Variants in CDH20 observed in about 807,000 individuals in gnomAD.
The protein encoded by CDH20 is cadherin 20.
A neutral mutation model predicts 74.2 loss-of-function variants in CDH20; 29 were observed. The ratio of observed to expected loss-of-function variants is 0.39; its 90% CI spans 0.29 to 0.53. CDH20 has a LOEUF of 0.53. Among genes scored for constraint, CDH20 ranks in the 20% least tolerant of loss-of-function variants. The probability of loss-of-function intolerance (pLI) is 0.69; values close to 1 mark genes in which losing one functional copy is unlikely to be tolerated. For synonymous variants in CDH20, 469 were observed against 405.4 expected (o/e 1.16, Z -1.88); for missense variants, 988 against 1,048.3 (o/e 0.94, Z 0.79).
Position 61,555,261 on chromosome 18 carries a change from T to C in CDH20, c.*566T>C. 2.0e-6 allele frequency: 1 copy of C among 488,860 alleles called. No homozygotes were observed. Among genetic ancestry groups the C allele is most frequent in the South Asian group, 9.4e-5 (1 of 10,654 alleles). 30.3% of individuals were successfully genotyped at this position (488,860 alleles called of 1,614,324 possible). On this transcript the variant is annotated 3_prime_UTR_variant, in exon 12 of 12. Transcript: ENST00000262717. The stretch of plus-strand genomic sequence containing the variant: ...CTTTTGAGACAAGGTTAAGACTGAA[T>C]CAGCCTTGCATGGGGGTGGATGGGT...
intron 7 of CDH20, among the ~76,000 whole-genome samples, chr18:61,535,563 A>AATAT (rs1041749786): frequency 1.3e-5 from 2 of 152,164 alleles, no homozygotes; most frequent in Non-Finnish European, 2.9e-5. Context: ...TTCAACAGGA[A>AATAT]ATATAGATCC....
chr18:61,453,433 G>A (rs1012155645), intron 1 of CDH20, among the ~76,000 whole-genome samples: 4 of 151,946 alleles, frequency 2.6e-5, no homozygotes, highest in East Asian at 1.9e-4. Flanking sequence ...GTGTGCCACC[G>A]TGCCCAGCTA....
chr18:61,396,379 T>C (rs779548708), intron 1 of CDH20, among the ~76,000 whole-genome samples: 1 of 152,144 alleles, frequency 6.6e-6, no homozygotes, highest in Admixed American at 6.5e-5. Flanking sequence ...TTTTAAAACC[T>C]CTGTGGGTAC....
chr18:61,480,387 C>T (rs111817041), intron 1 of CDH20, among the ~76,000 whole-genome samples: 2 of 152,114 alleles, frequency 1.3e-5, no homozygotes, highest in African/African-American at 2.4e-5. Flanking sequence ...GACATGTGCC[C>T]GGGATGGTCA....
chr18:61,473,390 C>G (rs1910256340), intron 1 of CDH20, among the ~76,000 whole-genome samples: 1 of 151,944 alleles, frequency 6.6e-6, no homozygotes, highest in Non-Finnish European at 1.5e-5. Flanking sequence ...ATCTTTTTTC[C>G]TTATTATGGA....
chr18:61,474,411 T>C (rs917549291), intron 1 of CDH20, among the ~76,000 whole-genome samples: 1 of 152,178 alleles, frequency 6.6e-6, no homozygotes, highest in African/African-American at 2.4e-5. Context: ...TTAGATTTCA[T>C]CTTTAGGGCT....
intron 4 of CDH20, among the ~76,000 whole-genome samples, chr18:61,502,026 G>A (rs1285191096): frequency 6.6e-6 from 1 of 152,100 alleles, no homozygotes; most frequent in African/African-American, 2.4e-5. Context: ...TACATTATAG[G>A]GGTAAACTGG....
chr18:61,497,071 A>T (rs1429908995), intron 2 of CDH20, among the ~76,000 whole-genome samples: 2 of 145,202 alleles, frequency 1.4e-5, no homozygotes, highest in Admixed American at 7.1e-5. Context: ...TTAACTGCAT[A>T]AATAGAAGAT....
rs752243653 is a variant in CDH20, at chr18:61,499,380, C to A, written c.441C>A (p.Pro147=). The A allele has an allele frequency of 1.9e-6, 3 of 1,614,040 alleles. No individual in the cohort carries two copies. In the South Asian group the frequency reaches 3.3e-5, roughly 18 times the overall value. The stretch of plus-strand genomic sequence containing the variant: ...GGCGGACGGGCAGGCCAATGGAGCC[C>A]GAGTCAGAGTTCATCATCAAAATTC... ...LDRRTGRPME[P]ESEFIIKIQD... is the part of the protein sequence containing the mutation. Residue 147 remains proline (P), a synonymous_variant, in exon 3 of 12, where the codon CCC becomes CCA. Transcript: ENST00000262717.
chr18:61,354,684 C>A (rs76694963), intron 1 of CDH20, among the ~76,000 whole-genome samples: 3 of 151,954 alleles, frequency 2.0e-5, no homozygotes, highest in Non-Finnish European at 2.9e-5. Flanking sequence ...TGTACTGAGA[C>A]AATTACTTTT....
intron 1 of CDH20, chr18:61,405,001 T>C: frequency 1.4e-6 from 1 of 707,618 alleles, no homozygotes; most frequent in Admixed American, 1.8e-5. Flanking sequence ...TGGACACCAG[T>C]TTTGACCAAC....
intron 1 of CDH20, among the ~76,000 whole-genome samples, chr18:61,340,817 G>A (rs1909924124): frequency 6.6e-6 from 1 of 151,958 alleles, no homozygotes; most frequent in South Asian, 2.1e-4. Flanking sequence ...ATTTCCTTTA[G>A]CAATTTAATT....
At chr18:61,417,310 C>T (rs1371706801) in intron 1 of CDH20, among the ~76,000 whole-genome samples, 2 of 151,980 alleles carry the variant, frequency 1.3e-5, no homozygotes, top group African/African-American at 4.8e-5. Flanking sequence ...GGTATTTAGA[C>T]ATTATCCAAC....
intron 6 of CDH20, among the ~76,000 whole-genome samples, chr18:61,514,271 C>T (rs1374027298): frequency 6.6e-6 from 1 of 152,080 alleles, no homozygotes; most frequent in Non-Finnish European, 1.5e-5. Flanking sequence ...TGCTGATACC[C>T]TTTCTTCCAG....
intron 1 of CDH20, among the ~76,000 whole-genome samples, chr18:61,345,115 G>T (rs904866535): frequency 6.6e-6 from 1 of 152,160 alleles, no homozygotes; most frequent in Non-Finnish European, 1.5e-5. Flanking sequence ...TCTTAGGAAG[G>T]ACTGCTTCAT....
At chr18:61,487,538 G>A (rs1296515541) in intron 1 of CDH20, among the ~76,000 whole-genome samples, 1 of 152,172 alleles carries the variant, frequency 6.6e-6, no homozygotes, top group East Asian at 1.9e-4. Flanking sequence ...CGACATTGCG[G>A]TCTTTGTGAT....
At chr18:61,393,251 C>T (rs920264018) in intron 1 of CDH20, among the ~76,000 whole-genome samples, 1 of 152,152 alleles carries the variant, frequency 6.6e-6, no homozygotes, top group Non-Finnish European at 1.5e-5. Flanking sequence ...TTTTCCTAGG[C>T]TTTCCACACC....
intron 1 of CDH20, among the ~76,000 whole-genome samples, chr18:61,426,641 C>T (rs1396225024): frequency 6.6e-6 from 1 of 152,190 alleles, no homozygotes; most frequent in African/African-American, 2.4e-5. Context: ...AGTGTTCTCT[C>T]CATGACAGGT....
chr18:61,519,623 A>G (rs1912119247), intron 6 of CDH20, among the ~76,000 whole-genome samples: 1 of 151,312 alleles, frequency 6.6e-6, no homozygotes, highest in African/African-American at 2.5e-5. Context: ...TCAAGGAAGC[A>G]CTAAATATAG....
Sources: gnomAD v4.1 joint callset for allele counts (sites outside exome capture counted in the v4.1 genomes callset) on GRCh38, gnomAD v4.1.1 for gene constraint, MANE v1.5 for transcripts, NCBI Gene and HGNC (gene_info 2026-07-23, HGNC 2026-07-21) for gene names.